FGGY: variants seen among roughly 807,000 people sequenced by gnomAD.
The protein encoded by FGGY is FGGY carbohydrate kinase domain-containing protein.
In FGGY, 72 loss-of-function variants were observed where a neutral mutation model predicts 71.3. That is an observed-to-expected ratio of 1.01 (90% CI 0.84 to 1.23). The LOEUF is 1.23. Among genes scored for constraint, FGGY ranks in the 50% most tolerant of loss-of-function variants. FGGY has a pLI of 0.00. For synonymous variants in FGGY, 251 were observed against 250.3 expected (o/e 1.00, Z -0.02); for missense variants, 668 against 682.3 (o/e 0.98, Z 0.23).
At chr1:59,310,717 C>T (rs2044163842) in intron 1 of FGGY, among the ~76,000 whole-genome samples, 1 of 152,138 alleles carries the variant, frequency 6.6e-6, no homozygotes, top group Admixed American at 6.5e-5. Flanking sequence ...CTCCATCGTC[C>T]TTCTCTCCTC....
At chr1:59,667,923 C>T (rs905955810) in intron 13 of FGGY, among the ~76,000 whole-genome samples, 5 of 152,058 alleles carry the variant, frequency 3.3e-5, no homozygotes, top group South Asian at 2.1e-4. Context: ...CAGCTCAGGG[C>T]GTGTGGTCTG....
At chr1:59,757,040 G>A (rs1180994388) in intron 14 of FGGY, among the ~76,000 whole-genome samples, 5 of 151,992 alleles carry the variant, frequency 3.3e-5, no homozygotes, top group Admixed American at 6.6e-5. Context: ...AGAATAAGAA[G>A]TTGTACACAT....
intron 14 of FGGY, among the ~76,000 whole-genome samples, chr1:59,710,610 A>G (rs1006694131): frequency 1.3e-5 from 2 of 152,250 alleles, no homozygotes; most frequent in Non-Finnish European, 2.9e-5. Flanking sequence ...AGAAAAAAGC[A>G]ACCCCATCAA....
At chr1:59,620,014 A>G (rs2096792694) in intron 9 of FGGY, among the ~76,000 whole-genome samples, 1 of 151,956 alleles carries the variant, frequency 6.6e-6, no homozygotes, top group Admixed American at 6.6e-5. Context: ...TGCAGAAAAG[A>G]GAGAGGCCAA....
chr1:59,700,450 G>A (rs1429909671), intron 14 of FGGY, among the ~76,000 whole-genome samples: 1 of 152,200 alleles, frequency 6.6e-6, no homozygotes, highest in East Asian at 1.9e-4. Context: ...ATGCTTCTGT[G>A]TTCCAACAAG....
chr1:59,730,885 A>G (rs2098018763), intron 14 of FGGY, among the ~76,000 whole-genome samples: 1 of 152,250 alleles, frequency 6.6e-6, no homozygotes. Flanking sequence ...ATGTCGGACA[A>G]CATGCAAAGT....
chr1:59,597,003 C>T (rs919180933), intron 8 of FGGY, among the ~76,000 whole-genome samples: 7 of 152,158 alleles, frequency 4.6e-5, no homozygotes, highest in Non-Finnish European at 8.8e-5. Flanking sequence ...ATTTGATAAA[C>T]ACCTCTCAGT....
chr1:59,602,157 T>G (rs1245683341), intron 8 of FGGY, among the ~76,000 whole-genome samples: 1 of 152,218 alleles, frequency 6.6e-6, no homozygotes, highest in Admixed American at 6.5e-5. Context: ...ATTGATTTTA[T>G]AGCTAAGGAG....
intron 8 of FGGY, among the ~76,000 whole-genome samples, chr1:59,577,149 C>T (rs528822439): frequency 3.3e-5 from 5 of 152,192 alleles, no homozygotes; most frequent in Non-Finnish European, 7.3e-5. Context: ...GCACCTGGTA[C>T]AGTCAGTAGT....
intron 5 of FGGY, among the ~76,000 whole-genome samples, chr1:59,388,568 G>A (rs1557765356): frequency 1.3e-5 from 2 of 152,068 alleles, no homozygotes; most frequent in Admixed American, 6.6e-5. Flanking sequence ...GGTGACTACA[G>A]TCCACATCCC....
At chr1:59,723,016 C>T (rs927114111) in intron 14 of FGGY, among the ~76,000 whole-genome samples, 2 of 152,142 alleles carry the variant, frequency 1.3e-5, no homozygotes, top group African/African-American at 2.4e-5. Context: ...CCAGGATGGT[C>T]TCAATCTCCT....
chr1:59,440,161 C>A (rs907514354), intron 5 of FGGY, among the ~76,000 whole-genome samples: 1 of 150,926 alleles, frequency 6.6e-6, no homozygotes. Context: ...CATTTTTTCC[C>A]CCTCATATCT....
intron 14 of FGGY, among the ~76,000 whole-genome samples, chr1:59,737,265 G>A (rs1474666086): frequency 6.6e-6 from 1 of 152,254 alleles, no homozygotes; most frequent in Non-Finnish European, 1.5e-5. Context: ...GAAATGTGGG[G>A]TTGGAGTCCC....
chr1:59,460,752 T>C (rs553496815), intron 6 of FGGY, among the ~76,000 whole-genome samples: 2 of 152,338 alleles, frequency 1.3e-5, no homozygotes, highest in African/African-American at 2.4e-5. Context: ...TATTTGTTGT[T>C]CTGCAGCCTC....
intron 3 of FGGY, among the ~76,000 whole-genome samples, chr1:59,344,159 G>A (rs1170412983): frequency 6.6e-6 from 1 of 152,174 alleles, no homozygotes; most frequent in African/African-American, 2.4e-5. Context: ...AAGGTCCCAT[G>A]TACTCTGTAT....
intron 7 of FGGY, among the ~76,000 whole-genome samples, chr1:59,515,800 G>A (rs1198700602): frequency 1.3e-5 from 2 of 152,284 alleles, no homozygotes; most frequent in South Asian, 4.1e-4. Context: ...GGAACTGTAA[G>A]TCAAATTAAA....
chr1:59,436,657 C>T (rs1337916118), intron 5 of FGGY, among the ~76,000 whole-genome samples: 6 of 152,180 alleles, frequency 3.9e-5, no homozygotes, highest in Non-Finnish European at 8.8e-5. Flanking sequence ...TATGCCACCT[C>T]CCTTCTCTGG....
chr1:59,409,014 A>C (rs2063189703), intron 5 of FGGY, among the ~76,000 whole-genome samples: 1 of 152,234 alleles, frequency 6.6e-6, no homozygotes, highest in South Asian at 2.1e-4. Flanking sequence ...ATGTAACCTT[A>C]ACCTAAGTTC....
chr1:59,373,062 C>T (rs2057986452), intron 4 of FGGY, among the ~76,000 whole-genome samples: 1 of 152,014 alleles, frequency 6.6e-6, no homozygotes, highest in Non-Finnish European at 1.5e-5. Flanking sequence ...CTGGCCAGGG[C>T]AATTAGGCAG....
Sources: gnomAD v4.1 joint callset for allele counts (sites outside exome capture counted in the v4.1 genomes callset) on GRCh38, gnomAD v4.1.1 for gene constraint, MANE v1.5 for transcripts, NCBI Gene and HGNC (gene_info 2026-07-23, HGNC 2026-07-21) for gene names.